SLC44A1: variants seen among roughly 807,000 people sequenced by gnomAD.
SLC44A1 encodes the protein solute carrier family 44 member 1.
In SLC44A1, 26 loss-of-function variants were observed where a neutral mutation model predicts 79.3. The observed-to-expected ratio is 0.33, with a 90% confidence interval of 0.24 to 0.46. The LOEUF (loss-of-function observed/expected upper bound fraction) is 0.46. Ranked by LOEUF, SLC44A1 falls within the 20% of genes least tolerant of loss-of-function variation. The probability of loss-of-function intolerance (pLI) is 1.00; values close to 1 mark genes in which losing one functional copy is unlikely to be tolerated. For synonymous variants in SLC44A1, 263 were observed against 286.2 expected (o/e 0.92, Z 0.82); for missense variants, 688 against 798.1 (o/e 0.86, Z 1.66).
chr9:105,364,543 A>G lies in SLC44A1; in HGVS notation c.1088-12A>G, dbSNP rs775034722. 1 of 1,591,218 alleles carries G rather than the reference A, an allele frequency of 6.3e-7. No homozygotes were observed. The highest frequency in any genetic ancestry group is 8.5e-7 in the Non-Finnish European group (1 of 1,171,780). ...TATGTGCTTCTTCTTTCCTTCCTTG[A>G]TATTTTCCTAGGCAGTCCTGTTCAG... On this transcript the variant is annotated splice_polypyrimidine_tract_variant and intron_variant, in intron 9 of 15. Coordinates refer to ENST00000374720, the MANE Select transcript of SLC44A1 (RefSeq NM_080546.5).
chr9:105,356,357 T>A lies in SLC44A1; in HGVS notation c.646T>A (p.Leu216Met), dbSNP rs536293602. Residue 216 changes from leucine to methionine, a missense_variant, in exon 6 of 16, where the codon TTG becomes ATG. Transcript: ENST00000374720. ...SGVMTSKEII[L>M]GLCLLSLVLS... ...AGTAATGACCAGCAAAGAAATTATATTGGGACTTTGCTTGTTATCACTAGG... is the reference window on the plus strand; with the variant it reads ...AGTAATGACCAGCAAAGAAATTATAATGGGACTTTGCTTGTTATCACTAGG... 1 of 1,602,530 alleles carries A rather than the reference T, an allele frequency of 6.2e-7. No homozygotes were observed. Among genetic ancestry groups the A allele is most frequent in the African/African-American group, 1.3e-5 (1 of 74,186 alleles).
chr9:105,297,872 C>T (rs1830769198), intron 1 of SLC44A1, among the ~76,000 whole-genome samples: 1 of 152,100 alleles, frequency 6.6e-6, no homozygotes, highest in Non-Finnish European at 1.5e-5. Context: ...AAGACTTTTC[C>T]AAATAGCTTC....
intron 2 of SLC44A1, among the ~76,000 whole-genome samples, chr9:105,304,888 C>T (rs1830975638): frequency 7.3e-6 from 1 of 136,934 alleles, no homozygotes; most frequent in South Asian, 2.5e-4. Context: ...GTAAACCTTG[C>T]ATTTGTATAT....
chr9:105,420,068 G>C (rs878933390), intron 15 of SLC44A1, among the ~76,000 whole-genome samples: 1 of 151,988 alleles, frequency 6.6e-6, no homozygotes, highest in Non-Finnish European at 1.5e-5. Flanking sequence ...GCAGTTCTTC[G>C]AGCATTTGAT....
chr9:105,375,266 C>T (rs1425647696), intron 13 of SLC44A1, among the ~76,000 whole-genome samples: 1 of 152,238 alleles, frequency 6.6e-6, no homozygotes, highest in East Asian at 1.9e-4. Flanking sequence ...TCTCTAACTC[C>T]TGAGCTCAGG....
At chr9:105,386,233 G>A in intron 15 of SLC44A1, 1 of 983,138 alleles carries the variant, frequency 1.0e-6, no homozygotes, top group Non-Finnish European at 1.2e-6. Context: ...AGAACCTTGA[G>A]CTGCTTTTCA....
At chr9:105,414,612 T>C (rs1360349972) in intron 15 of SLC44A1, among the ~76,000 whole-genome samples, 2 of 152,178 alleles carry the variant, frequency 1.3e-5, no homozygotes, top group Non-Finnish European at 2.9e-5. Flanking sequence ...TAGATAGTAA[T>C]AGATTTATTA....
At chr9:105,303,591 G>T (rs1458139431) in intron 2 of SLC44A1, among the ~76,000 whole-genome samples, 1 of 152,168 alleles carries the variant, frequency 6.6e-6, no homozygotes, top group Non-Finnish European at 1.5e-5. Flanking sequence ...ATACATTGTT[G>T]TTATCACATT....
chr9:105,437,444 T>C (rs1469944112), intron 15 of SLC44A1, among the ~76,000 whole-genome samples: 3 of 152,042 alleles, frequency 2.0e-5, no homozygotes. Flanking sequence ...GATATAGATA[T>C]ATACAGAGAA....
intron 1 of SLC44A1, among the ~76,000 whole-genome samples, chr9:105,285,021 G>A (rs962576436): frequency 6.6e-6 from 1 of 152,224 alleles, no homozygotes; most frequent in Middle Eastern, 3.4e-3. Flanking sequence ...TATGGGCTTT[G>A]TGCCTGGTTT....
At chr9:105,248,707 A>G (rs1290050541) in intron 1 of SLC44A1, among the ~76,000 whole-genome samples, 1 of 152,184 alleles carries the variant, frequency 6.6e-6, no homozygotes, top group Non-Finnish European at 1.5e-5. Context: ...TTACAGTACT[A>G]ATCCTCCCTA....
At chr9:105,379,979 A>G (rs1261721120) in intron 13 of SLC44A1, among the ~76,000 whole-genome samples, 1 of 152,216 alleles carries the variant, frequency 6.6e-6, no homozygotes, top group Non-Finnish European at 1.5e-5. Context: ...TGTAAATAAT[A>G]TCTTTCAAAA....
At position 105,392,735 on chromosome 9, in the gene SLC44A1, A is replaced by T; in HGVS notation, c.*3679A>T. 1.0e-6 allele frequency: 1 copy of T among 985,332 alleles called. No homozygotes were observed. Among genetic ancestry groups the T allele is most frequent in the Non-Finnish European group, 1.2e-6 (1 of 829,898 alleles). 61.0% of individuals were successfully genotyped at this position (985,332 alleles called of 1,614,324 possible). On this transcript the variant is annotated 3_prime_UTR_variant, in exon 16 of 16. Coordinates refer to ENST00000374720, the MANE Select transcript of SLC44A1 (RefSeq NM_080546.5). ...TAGCTACTAACAGCCATTTTAAGAGATCTCCTAGCCTGCAAGGTAGAATTC... is the reference window on the plus strand; with the variant it reads ...TAGCTACTAACAGCCATTTTAAGAGTTCTCCTAGCCTGCAAGGTAGAATTC...
chr9:105,392,391 C>G lies in SLC44A1; in HGVS notation c.*3335C>G. On this transcript the variant is annotated 3_prime_UTR_variant, in exon 16 of 16. Coordinates refer to ENST00000374720, the MANE Select transcript of SLC44A1 (RefSeq NM_080546.5). Reference sequence around the variant, plus strand: ...TGTTTTTCTTTTGTAGAGATGCTCTCTCTCTCTCTCTCTTTTTTTTTTTTT... The same window carrying G: ...TGTTTTTCTTTTGTAGAGATGCTCTGTCTCTCTCTCTCTTTTTTTTTTTTT... 1 of 883,284 alleles carries G rather than the reference C, an allele frequency of 1.1e-6. No homozygotes were observed. The highest frequency in any genetic ancestry group is 1.3e-6 in the Non-Finnish European group (1 of 768,728). The allele number at this position is 883,284 out of a possible 1,614,324, so 54.7% of individuals were successfully genotyped here.
At chr9:105,256,012 A>G (rs1292029794) in intron 1 of SLC44A1, among the ~76,000 whole-genome samples, 3 of 152,082 alleles carry the variant, frequency 2.0e-5, no homozygotes, top group African/African-American at 7.2e-5. Flanking sequence ...CTGACTTCCA[A>G]AAATTTTATT....
chr9:105,311,497 GTTT>G (rs903027698), intron 3 of SLC44A1, among the ~76,000 whole-genome samples: 1 of 152,094 alleles, frequency 6.6e-6, no homozygotes, highest in African/African-American at 2.4e-5. Context: ...TACTCTTCAT[GTTT>G]AACCTTGTGG....
intron 15 of SLC44A1, among the ~76,000 whole-genome samples, chr9:105,407,232 T>C (rs1320930300): frequency 6.6e-6 from 1 of 152,080 alleles, no homozygotes. Flanking sequence ...TATTGTCTTA[T>C]AAGGTCTGGG....
At chr9:105,412,366 T>G (rs1829108275) in intron 15 of SLC44A1, among the ~76,000 whole-genome samples, 1 of 152,218 alleles carries the variant, frequency 6.6e-6, no homozygotes, top group African/African-American at 2.4e-5. Flanking sequence ...GTACTTTTGA[T>G]CTGTCCCCAT....
rs576618093 is a variant in SLC44A1 at position 105,295,202 on chromosome 9, A to G, written c.37-4018A>G. 2.6e-5 allele frequency among the ~76,000 whole-genome samples: 4 copies of G among 152,342 alleles called. No individual in the cohort carries two copies. In the East Asian group the frequency reaches 7.7e-4, roughly 29 times the overall value. ...TAGTAATTAACAGAATTGTTTTAGG[A>G]ATCAAATGCGGTCATAGATAATATA... On this transcript the variant is annotated intron_variant, in intron 1 of 15. Coordinates refer to ENST00000374720, the MANE Select transcript of SLC44A1 (RefSeq NM_080546.5).
Sources: allele counts gnomAD v4.1 joint callset (sites outside exome capture counted in the v4.1 genomes callset), GRCh38; gene constraint gnomAD v4.1.1; transcripts MANE v1.5; gene names NCBI Gene and HGNC (gene_info 2026-07-23, HGNC 2026-07-21).